Variants in KLF18 observed in about 807,000 individuals in gnomAD.
The protein encoded by KLF18 is KLF transcription factor 18, also known as Kruppel-like factor 18.
rs1643214953 is a variant in KLF18 at position 44,139,695 on chromosome 1, G to A, written c.1937C>T (p.Thr646Ile). Residue 646 changes from threonine (T) to isoleucine (I), a missense_variant, in exon 1 of 2, where the codon ACC (threonine) becomes ATC (isoleucine). Coordinates refer to ENST00000634670, the MANE Select transcript of KLF18 (RefSeq NM_001358438.1). ...ACAGAGGGTCTGGTTACTAGTGGAG[G>A]TTGTCATCTGCTCTCCACAGAGGGT... ...NQTLCGEQMT[T>I]STSNQTLCEE... 7.6e-6 allele frequency: 3 copies of A among 397,034 alleles called. No homozygotes were observed. Among genetic ancestry groups the A allele is most frequent in the Non-Finnish European group, 1.3e-5 (3 of 225,922 alleles). The allele number at this position is 397,034 out of a possible 1,614,324, so 24.6% of individuals were successfully genotyped here. A position where few individuals can be genotyped will look rare whatever the true frequency, so the allele number is the denominator to read the frequency against.
rs1643196804 is a variant in KLF18 at position 44,138,868 on chromosome 1, G to A, written c.2764C>T (p.Gln922Ter). 1.3e-5 allele frequency: 5 copies of A among 398,640 alleles called. No individual in the cohort carries two copies. The East Asian group carries it at 1.8e-4, about 14-fold the overall frequency. 24.7% of individuals were successfully genotyped at this position (398,640 alleles called of 1,614,324 possible). A position where few individuals can be genotyped will look rare whatever the true frequency, so the allele number is the denominator to read the frequency against. ...CCTGGGTATGGCAATGATGAGAACT[G>A]ATGGGACATCATATATCCCCCATAA... The part of the protein sequence containing the change: ...SLYGGYMMSH[Q>*]FSSLPYPGFL... The change falls in exon 1 of 2, where the codon CAG (glutamine) becomes TAG (stop). Residue 922 changes from glutamine (Q) to a stop codon, truncating the protein, a stop_gained. Transcript: ENST00000634670. LOFTEE classifies it high-confidence loss of function.
At position 44,140,910 on chromosome 1, in the gene KLF18, G is replaced by A. The variant is rs561823121; in HGVS notation, c.722C>T (p.Ser241Phe). ...CCCGTAGAAGGCCTGGTTACCACTG[G>A]AGGTCGTCATCTGCTCCCCACAGAG... The part of the protein sequence containing the change: ...QTLCGEQMTT[S>F]SGNQAFYGRQ... Residue 241 changes from serine to phenylalanine, a missense_variant, in exon 1 of 2, where the codon TCC becomes TTC. Physicochemically the swap from Ser to Phe is radical, Grantham distance 155. Coordinates refer to ENST00000634670, the MANE Select transcript of KLF18 (RefSeq NM_001358438.1). The A allele has an allele frequency of 5.0e-6, 2 of 396,290 alleles. No homozygotes were observed. Among genetic ancestry groups the A allele is most frequent in the East Asian group, 3.6e-5 (1 of 27,932 alleles). The allele number at this position is 396,290 out of a possible 1,614,324, so 24.5% of individuals were successfully genotyped here. A position where few individuals can be genotyped will look rare whatever the true frequency, so the allele number is the denominator to read the frequency against.
rs371156367 is a variant in KLF18 at position 44,139,383 on chromosome 1, T to C, written c.2249A>G (p.Asn750Ser). The C allele has an allele frequency of 1.0e-5, 3 of 288,634 alleles. No homozygotes were observed. Among genetic ancestry groups the C allele is most frequent in the Non-Finnish European group, 1.8e-5 (3 of 171,094 alleles). 17.9% of individuals were successfully genotyped at this position (288,634 alleles called of 1,614,324 possible). A position where few individuals can be genotyped will look rare whatever the true frequency, so the allele number is the denominator to read the frequency against. ...GGTTGTCATCTGCTCTCCACAGAGG[T>C]TCTGGTTACCAGTGGAGGTCATCAT... Reference protein sequence around the residue: ...GQMMTSTGNQNLCGEQMTTST... With the variant: ...GQMMTSTGNQSLCGEQMTTST... The change falls in exon 1 of 2, where the codon AAC becomes AGC. Residue 750 changes from asparagine (N) to serine (S), a missense_variant. Asn to Ser is a conservative substitution (Grantham distance 46). Coordinates refer to ENST00000634670, the MANE Select transcript of KLF18 (RefSeq NM_001358438.1).
In KLF18 at chr1:44,138,022, C is replaced by CAG. The variant is rs142599049; in HGVS notation, c.2969-13_2969-12dup. 1.1e-4 allele frequency: 45 copies of CAG among 397,500 alleles called. No homozygotes were observed. Among genetic ancestry groups the CAG allele is most frequent in the Admixed American group, 3.1e-4 (7 of 22,658 alleles). The allele number at this position is 397,500 out of a possible 1,614,324, so 24.6% of individuals were successfully genotyped here. A position where few individuals can be genotyped will look rare whatever the true frequency, so the allele number is the denominator to read the frequency against. ...CATAGGGCTTCTCCCCTGGACCAGA[C>CAG]AGAGAGAGAGAGACCTGTCATACAT... On this transcript the variant is annotated splice_polypyrimidine_tract_variant and intron_variant, in intron 1 of 1. Coordinates refer to ENST00000634670, the MANE Select transcript of KLF18 (RefSeq NM_001358438.1).
chr1:44,140,950 T>C lies in KLF18; in HGVS notation c.682A>G (p.Ile228Val), dbSNP rs1643234283. ...DLYGGQMMTSIDNQTLCGEQM... is the reference protein window; with the variant it reads ...DLYGGQMMTSVDNQTLCGEQM... ...TCCCCACAGAGGGTCTGGTTATCAA[T>C]GGAAGTCATCATTTGCCCTCCATAG... The change falls in exon 1 of 2, where the codon ATT (isoleucine) becomes GTT (valine). Residue 228 changes from isoleucine (I) to valine (V), a missense_variant. By Grantham distance (29) the Ile-to-Val change is conservative. Transcript: ENST00000634670. 1 of 398,612 alleles carries C rather than the reference T, an allele frequency of 2.5e-6. No homozygotes were observed. The highest frequency in any genetic ancestry group is 4.4e-6 in the Non-Finnish European group (1 of 226,154). The allele number at this position is 398,612 out of a possible 1,614,324, so 24.7% of individuals were successfully genotyped here.
chr1:44,138,504 C>T (rs1182474869), intron 1 of KLF18, among the ~76,000 whole-genome samples, 160 bp downstream of exon 1: 1 of 151,186 alleles, frequency 6.6e-6, no homozygotes, highest in African/African-American at 2.4e-5. Flanking sequence ...TAGAGCCTGT[C>T]CCTAGGACTG....
In KLF18 at chr1:44,139,190, G is replaced by A; in HGVS notation, c.2442C>T (p.Thr814=). The A allele has an allele frequency of 2.5e-6, 1 of 396,430 alleles. No individual in the cohort carries two copies. The highest frequency in any genetic ancestry group is 1.3e-4 in the South Asian group (1 of 7,690). The allele number at this position is 396,430 out of a possible 1,614,324, so 24.6% of individuals were successfully genotyped here. The part of the protein sequence containing the change: ...NQALYRGQIT[T]STSNQTLCGE... ...CACAGAGGGTCTGGTTACTAGTGGA[G>A]GTCGTGATCTGCCCCCTGTAGAGGG... The change falls in exon 1 of 2, where the codon ACC becomes ACT. Residue 814 remains threonine, a synonymous_variant. Coordinates refer to ENST00000634670, the MANE Select transcript of KLF18 (RefSeq NM_001358438.1).
Position 44,138,875 on chromosome 1 carries a change from C to T in KLF18, c.2757G>A (p.Met919Ile). 2.5e-6 allele frequency: 1 copy of T among 398,578 alleles called. No homozygotes were observed. Among genetic ancestry groups the T allele is most frequent in the Non-Finnish European group, 4.4e-6 (1 of 226,066 alleles). 24.7% of individuals were successfully genotyped at this position (398,578 alleles called of 1,614,324 possible). Residue 919 changes from methionine to isoleucine, a missense_variant, in exon 1 of 2, where the codon ATG (methionine) becomes ATA (isoleucine). Met to Ile is a conservative substitution (Grantham distance 10). Coordinates refer to ENST00000634670, the MANE Select transcript of KLF18 (RefSeq NM_001358438.1). ...ATGGCAATGATGAGAACTGATGGGA[C>T]ATCATATATCCCCCATAAAGGCTGT... is the stretch of plus-strand genomic sequence containing the variant. ...DDHSLYGGYM[M>I]SHQFSSLPYP...
chr1:44,141,026 GGAA>G lies in KLF18; in HGVS notation c.603_605del (p.Ser202del). 1 of 398,686 alleles carries G rather than the reference GGAA, an allele frequency of 2.5e-6. No homozygotes were observed. Among genetic ancestry groups the G allele is most frequent in the Non-Finnish European group, 4.4e-6 (1 of 226,196 alleles). 24.7% of individuals were successfully genotyped at this position (398,686 alleles called of 1,614,324 possible). A position where few individuals can be genotyped will look rare whatever the true frequency, so the allele number is the denominator to read the frequency against. On this transcript the variant is annotated inframe_deletion, in exon 1 of 2. Transcript: ENST00000634670. Reference sequence around the variant, plus strand: ...CCCCAGAGAGGGTCTCATCGCTACCGGAAGTCACTGTATGACCATCAGTGAGGG... The same window carrying G: ...CCCCAGAGAGGGTCTCATCGCTACCGGTCACTGTATGACCATCAGTGAGGG...
chr1:44,139,803 G>A lies in KLF18; in HGVS notation c.1829C>T (p.Ala610Val), dbSNP rs1203299489. 2.6e-6 allele frequency: 1 copy of A among 386,310 alleles called. No homozygotes were observed. Among genetic ancestry groups the A allele is most frequent in the African/African-American group, 2.2e-5 (1 of 45,970 alleles). 23.9% of individuals were successfully genotyped at this position (386,310 alleles called of 1,614,324 possible). ...EQVTTSTGNQ[A>V]LYGGQMMTST... ...GGTCATCATCTGCCCCCCATAGAGG[G>A]CCTGGTTACCAGTGGAGGTCGTCAC... is the stretch of plus-strand genomic sequence containing the variant. The change falls in exon 1 of 2, where the codon GCC becomes GTC. Residue 610 changes from alanine to valine, a missense_variant. Physicochemically the swap from Ala to Val is moderately conservative, Grantham distance 64. Transcript: ENST00000634670.
chr1:44,141,298 T>C lies in KLF18; in HGVS notation c.334A>G (p.Thr112Ala). The C allele has an allele frequency of 2.5e-6, 1 of 398,702 alleles. No homozygotes were observed. The highest frequency in any genetic ancestry group is 4.4e-6 in the Non-Finnish European group (1 of 226,154). The allele number at this position is 398,702 out of a possible 1,614,324, so 24.7% of individuals were successfully genotyped here. A position where few individuals can be genotyped will look rare whatever the true frequency, so the allele number is the denominator to read the frequency against. The change falls in exon 1 of 2, where the codon ACA becomes GCA. Residue 112 changes from threonine (T) to alanine (A), a missense_variant. Coordinates refer to ENST00000634670, the MANE Select transcript of KLF18 (RefSeq NM_001358438.1). ...ACATCTGTCATCTGGGAGCCTGCTG[T>C]GTGTTTTACCTGATCAAAGGAAGTC... ...KVTSFDQVKH[T>A]AGSQMTDVTV... is the part of the protein sequence containing the mutation.
intron 1 of KLF18, 79 bp downstream of exon 1, chr1:44,138,585 G>C (rs952300618): frequency 1.0e-5 from 4 of 393,142 alleles, no homozygotes; most frequent in African/African-American, 8.4e-5. Flanking sequence ...CTTAAAGGAA[G>C]TGGCAGCAAT....
Position 44,138,904 on chromosome 1 carries a change from C to T in KLF18, c.2728G>A (p.Asp910Asn), listed in dbSNP as rs1643197022. The stretch of plus-strand genomic sequence containing the variant: ...ATATATCCCCCATAAAGGCTGTGGT[C>T]ATCAGTGAGCGTTGTCATATTGCCC... ...QVGNMTTLTD[D>N]HSLYGGYMMS... Residue 910 changes from aspartate to asparagine, a missense_variant, in exon 1 of 2, where the codon GAC becomes AAC. Coordinates refer to ENST00000634670, the MANE Select transcript of KLF18 (RefSeq NM_001358438.1). 2 of 398,522 alleles carry T rather than the reference C, an allele frequency of 5.0e-6. No homozygotes were observed. Among genetic ancestry groups the T allele is most frequent in the Non-Finnish European group, 8.8e-6 (2 of 226,106 alleles). 24.7% of individuals were successfully genotyped at this position (398,522 alleles called of 1,614,324 possible).
rs1643231491 is a variant in KLF18 at position 44,140,718 on chromosome 1, C to T, written c.914G>A (p.Gly305Glu). The change falls in exon 1 of 2, where the codon GGG becomes GAG. Residue 305 changes from glycine to glutamate, a missense_variant. Coordinates refer to ENST00000634670, the MANE Select transcript of KLF18 (RefSeq NM_001358438.1). ...TTSTSNQTLCGEQVMTSTGNQ... is the reference protein window; with the variant it reads ...TTSTSNQTLCEEQVMTSTGNQ... ...ACCAGTGGAGGTCATCACTTGCTCC[C>T]CACAGAGGGTCTGGTTACTAGTGGA... 1 of 398,542 alleles carries T rather than the reference C, an allele frequency of 2.5e-6. No individual in the cohort carries two copies. Among genetic ancestry groups the T allele is most frequent in the Non-Finnish European group, 4.4e-6 (1 of 226,146 alleles). 24.7% of individuals were successfully genotyped at this position (398,542 alleles called of 1,614,324 possible). A position where few individuals can be genotyped will look rare whatever the true frequency, so the allele number is the denominator to read the frequency against.
chr1:44,138,743 G>T lies in KLF18; in HGVS notation c.2889C>A (p.Pro963=). The T allele has an allele frequency of 2.5e-6, 1 of 398,612 alleles. No individual in the cohort carries two copies. Among genetic ancestry groups the T allele is most frequent in the Non-Finnish European group, 4.4e-6 (1 of 226,068 alleles). 24.7% of individuals were successfully genotyped at this position (398,612 alleles called of 1,614,324 possible). The change falls in exon 1 of 2, where the codon CCC becomes CCA. Residue 963 remains proline (P), a synonymous_variant. Transcript: ENST00000634670. ...QFWKNPEVSR[P]YVCTYEDCKM... ...TGCAGTCCTCGTAAGTGCAGACATAGGGCCTTGAAACCTCAGGATTCTTCC... is the reference window on the plus strand; with the variant it reads ...TGCAGTCCTCGTAAGTGCAGACATATGGCCTTGAAACCTCAGGATTCTTCC...
In KLF18 at chr1:44,141,622, T is replaced by G; in HGVS notation, c.10A>C (p.Ser4Arg). 2.5e-6 allele frequency: 1 copy of G among 398,644 alleles called. No individual in the cohort carries two copies. Among genetic ancestry groups the G allele is most frequent in the Non-Finnish European group, 4.4e-6 (1 of 226,100 alleles). The allele number at this position is 398,644 out of a possible 1,614,324, so 24.7% of individuals were successfully genotyped here. A position where few individuals can be genotyped will look rare whatever the true frequency, so the allele number is the denominator to read the frequency against. Residue 4 changes from serine (S) to arginine (R), a missense_variant, in exon 1 of 2, where the codon AGT becomes CGT. Transcript: ENST00000634670. The stretch of plus-strand genomic sequence containing the variant: ...ATTTCCTCAATTGCCTGGAGAAGAC[T>G]GGAATCCATCTCTTTGATGTTGCCT... MDS[S>R]LLQAIEEIEK... is the part of the protein sequence containing the mutation.
In KLF18 at chr1:44,139,035, C is replaced by A. The variant is rs547022658; in HGVS notation, c.2597G>T (p.Gly866Val). 1.8e-5 allele frequency: 7 copies of A among 396,922 alleles called. No individual in the cohort carries two copies. The highest frequency in any genetic ancestry group is 3.1e-5 in the Non-Finnish European group (7 of 225,414). The allele number at this position is 396,922 out of a possible 1,614,324, so 24.6% of individuals were successfully genotyped here. Residue 866 changes from glycine to valine, a missense_variant, in exon 1 of 2, where the codon GGG becomes GTG. Gly to Val is a moderately radical substitution (Grantham distance 109, BLOSUM62 -3). Transcript: ENST00000634670. ...TSTGNQNLYG[G>V]QNMTSTDNQA... ...GTTATCAGTGGAGGTCATATTCTGC[C>A]CCCCGTAGAGGTTCTGGTTACCAGT...
Position 44,139,352 on chromosome 1 carries a change from A to C in KLF18, c.2280T>G (p.Thr760=). The change falls in exon 1 of 2, where the codon ACT becomes ACG. Residue 760 remains threonine, a synonymous_variant. Transcript: ENST00000634670. The stretch of plus-strand genomic sequence containing the variant: ...GCCCCCCGTAGAGGGCCTGGTTACC[A>C]GTGGAGGTTGTCATCTGCTCTCCAC... The part of the protein sequence containing the change: ...NLCGEQMTTS[T]GNQALYGGQM... The C allele has an allele frequency of 2.9e-6, 1 of 342,648 alleles. No homozygotes were observed. Among genetic ancestry groups the C allele is most frequent in the Non-Finnish European group, 5.2e-6 (1 of 193,146 alleles). 21.2% of individuals were successfully genotyped at this position (342,648 alleles called of 1,614,324 possible). A position where few individuals can be genotyped will look rare whatever the true frequency, so the allele number is the denominator to read the frequency against.
Position 44,140,317 on chromosome 1 carries a change from CAGTGGAGGT to C in KLF18, c.1306_1314del (p.Thr436_Thr438del). The C allele has an allele frequency of 7.4e-6, 2 of 268,632 alleles. No homozygotes were observed. Among genetic ancestry groups the C allele is most frequent in the Non-Finnish European group, 6.2e-6 (1 of 162,454 alleles). 16.6% of individuals were successfully genotyped at this position (268,632 alleles called of 1,614,324 possible). On this transcript the variant is annotated inframe_deletion, in exon 1 of 2. Transcript: ENST00000634670. ...TGCTCTCCACAGAGGTTCTGGTTAC[CAGTGGAGGT>C]CGTCATCTGCCCTCCACAGAGGGCT...
Sources: gnomAD v4.1 joint callset for allele counts (sites outside exome capture counted in the v4.1 genomes callset) on GRCh38, gnomAD v4.1.1 for gene constraint, MANE v1.5 for transcripts, NCBI Gene and HGNC (gene_info 2026-07-23, HGNC 2026-07-21) for gene names.